KCNIP4: variants seen among roughly 807,000 people sequenced by gnomAD.
KCNIP4 encodes the protein Kv channel-interacting protein 4.
A neutral mutation model predicts 34.0 loss-of-function variants in KCNIP4; 12 were observed. The observed-to-expected ratio is 0.35, with a 90% confidence interval of 0.23 to 0.57. The LOEUF is 0.57. Ranked by LOEUF, KCNIP4 falls within the 20% of genes least tolerant of loss-of-function variation. KCNIP4 has a pLI of 0.83. For synonymous variants in KCNIP4, 124 were observed against 102.2 expected (o/e 1.21, Z -1.29); for missense variants, 238 against 311.7 (o/e 0.76, Z 1.78).
chr4:21,715,260 T>C (rs1335751464), intron 1 of KCNIP4, among the ~76,000 whole-genome samples: 2 of 151,254 alleles, frequency 1.3e-5, no homozygotes, highest in African/African-American at 4.9e-5. Context: ...ACCTCCCAAG[T>C]ACCTGGGACT....
rs537405347 is a variant in KCNIP4, at chr4:20,984,431, G to A, written c.62-101722C>T. On this transcript the variant is annotated intron_variant, in intron 1 of 8. Transcript: ENST00000382152. Reference sequence around the variant, plus strand: ...CCAAAGCTGCTGCTCTCTCCTCCCAGAGCCGCCTCTGGCAGAGAGCTCAGC... The same window carrying A: ...CCAAAGCTGCTGCTCTCTCCTCCCAAAGCCGCCTCTGGCAGAGAGCTCAGC... Among the ~76,000 whole-genome samples, 166 of 152,292 alleles carry A rather than the reference G, an allele frequency of 1.1e-3. 1 individual carries two copies. The highest frequency in any genetic ancestry group is 3.9e-3 in the African/African-American group (164 of 41,576).
chr4:20,794,908 T>C (rs1171389690), intron 3 of KCNIP4, among the ~76,000 whole-genome samples: 2 of 152,202 alleles, frequency 1.3e-5, no homozygotes, highest in Non-Finnish European at 2.9e-5. Flanking sequence ...GAAAAAGGTG[T>C]TAACAATTCT....
Position 21,589,330 on chromosome 4 carries a change from G to GTATGTATATATGTACA in KCNIP4, c.61+359240_61+359241insTGTACATATATACATA, listed in dbSNP as rs1560540724. ...CATATATACATGTACATATACACGT[G>GTATGTATATATGTACA]TATATATATACATGTGTATGTATAT... On this transcript the variant is annotated intron_variant, in intron 1 of 8. Coordinates refer to ENST00000382152, the MANE Select transcript of KCNIP4 (RefSeq NM_025221.6). 8.6e-3 allele frequency among the ~76,000 whole-genome samples: 1,209 copies of GTATGTATATATGTACA among 141,276 alleles called. 24 individuals are homozygous for GTATGTATATATGTACA. The highest frequency in any genetic ancestry group is 0.029 in the African/African-American group (1,085 of 37,914). 92.7% of individuals were successfully genotyped at this position (141,276 alleles called of 152,430 possible). A position where few individuals can be genotyped will look rare whatever the true frequency, so the allele number is the denominator to read the frequency against.
chr4:21,414,050 A>T (rs1724739129), intron 1 of KCNIP4, among the ~76,000 whole-genome samples: 1 of 152,208 alleles, frequency 6.6e-6, no homozygotes, highest in African/African-American at 2.4e-5. Context: ...ACATTAACGA[A>T]AAAATCTTGG....
intron 1 of KCNIP4, among the ~76,000 whole-genome samples, chr4:21,245,981 A>G (rs1033253300): frequency 1.3e-5 from 2 of 152,216 alleles, no homozygotes; most frequent in Non-Finnish European, 2.9e-5. Context: ...ATATTCCGAC[A>G]TATGACAGAA....
intron 2 of KCNIP4, among the ~76,000 whole-genome samples, chr4:20,851,065 T>C (rs1720971664): frequency 6.6e-6 from 1 of 152,138 alleles, no homozygotes; most frequent in African/African-American, 2.4e-5. Flanking sequence ...AGTTCAGAGG[T>C]ACATGTGCAG....
chr4:20,935,166 G>A (rs376248080), intron 1 of KCNIP4, among the ~76,000 whole-genome samples: 1 of 152,120 alleles, frequency 6.6e-6, no homozygotes, highest in East Asian at 1.9e-4. Context: ...TCCAAAAAAG[G>A]TCATACTCAT....
intron 1 of KCNIP4, among the ~76,000 whole-genome samples, chr4:21,171,766 T>C (rs1268818084): frequency 6.6e-6 from 1 of 152,124 alleles, no homozygotes; most frequent in East Asian, 1.9e-4. Context: ...ATAAATGTAG[T>C]GACATGTGTG....
intron 1 of KCNIP4, among the ~76,000 whole-genome samples, chr4:21,341,703 T>A (rs1716780611): frequency 6.6e-6 from 1 of 152,156 alleles, no homozygotes; most frequent in Non-Finnish European, 1.5e-5. Flanking sequence ...GCTTCTTTCT[T>A]ACCATTTCTG....
At chr4:21,818,100 A>C (rs1578028030) in intron 1 of KCNIP4, among the ~76,000 whole-genome samples, 1 of 152,264 alleles carries the variant, frequency 6.6e-6, no homozygotes, top group South Asian at 2.1e-4. Context: ...TTTGAGGCTC[A>C]GGCAGGCATC....
chr4:21,837,261 C>T (rs1324554776), intron 1 of KCNIP4, among the ~76,000 whole-genome samples: 9 of 147,198 alleles, frequency 6.1e-5, no homozygotes, highest in African/African-American at 1.7e-4. Flanking sequence ...TGGCCAAGGG[C>T]GGTGGCTCAC....
At chr4:21,417,953 T>G (rs531060235) in intron 1 of KCNIP4, among the ~76,000 whole-genome samples, 36 of 152,134 alleles carry the variant, frequency 2.4e-4, no homozygotes, top group Non-Finnish European at 4.4e-4. Context: ...TTAAAGGGAA[T>G]GCAGAAGCAA....
At chr4:21,528,792 A>AAAGG (rs1197786263) in intron 1 of KCNIP4, among the ~76,000 whole-genome samples, 1 of 20,338 alleles carries the variant, frequency 4.9e-5, no homozygotes. Flanking sequence ...AGAAAGGAAG[A>AAAGG]AAGGAAGAAA....
chr4:21,577,580 G>C (rs1034933896), intron 1 of KCNIP4, among the ~76,000 whole-genome samples: 1 of 152,044 alleles, frequency 6.6e-6, no homozygotes, highest in Non-Finnish European at 1.5e-5. Context: ...ACAGTGAGCC[G>C]AGATCGCGCC....
At chr4:21,863,869 C>G (rs1234671041) in intron 1 of KCNIP4, among the ~76,000 whole-genome samples, 3 of 152,146 alleles carry the variant, frequency 2.0e-5, no homozygotes, top group African/African-American at 7.2e-5. Context: ...AAAGGATTAT[C>G]TATTATATGT....
Position 20,737,443 on chromosome 4 carries a change from AGTCAGAAAT to A in KCNIP4, c.430-2717_430-2709del, listed in dbSNP as rs551310531. ...AAGAGAAGAATCTAAAAAGAGTAAG[AGTCAGAAAT>A]GGGCTGTGCTCTTGAGAAGGTGGGG... On this transcript the variant is annotated intron_variant, in intron 5 of 8. Coordinates refer to ENST00000382152, the MANE Select transcript of KCNIP4 (RefSeq NM_025221.6). Among the ~76,000 whole-genome samples, 458 of 152,288 alleles carry A rather than the reference AGTCAGAAAT, an allele frequency of 3.0e-3. 1 individual carries two copies. Among genetic ancestry groups the A allele is most frequent in the Non-Finnish European group, 3.1e-3 (210 of 68,022 alleles).
At chr4:20,907,722 T>C (rs762128291) in intron 1 of KCNIP4, among the ~76,000 whole-genome samples, 1 of 152,168 alleles carries the variant, frequency 6.6e-6, no homozygotes, top group African/African-American at 2.4e-5. Flanking sequence ...TAAATTTTTT[T>C]ATTTTTTTTC....
chr4:21,060,966 C>A (rs1246687488), intron 1 of KCNIP4, among the ~76,000 whole-genome samples: 1 of 152,052 alleles, frequency 6.6e-6, no homozygotes, highest in Non-Finnish European at 1.5e-5. Flanking sequence ...ATGCTAATGA[C>A]AAATTGGGTC....
intron 3 of KCNIP4, among the ~76,000 whole-genome samples, chr4:20,826,415 T>G (rs1379417956): frequency 7.3e-6 from 1 of 137,564 alleles, no homozygotes; most frequent in Non-Finnish European, 1.5e-5. Context: ...ATCTCTAAAA[T>G]TTTTTTTTTT....
Sources: gnomAD v4.1 joint callset for allele counts (sites outside exome capture counted in the v4.1 genomes callset) on GRCh38, gnomAD v4.1.1 for gene constraint, MANE v1.5 for transcripts, NCBI Gene and HGNC (gene_info 2026-07-23, HGNC 2026-07-21) for gene names.